Variants in NKAIN2 observed in about 807,000 individuals in gnomAD.
NKAIN2 encodes the protein sodium/potassium transporting ATPase interacting 2, also known as sodium/potassium-transporting ATPase subunit beta-1-interacting protein 2.
In NKAIN2, 14 loss-of-function variants were observed where a neutral mutation model predicts 32.6. The ratio of observed to expected loss-of-function variants is 0.43; its 90% confidence interval spans 0.28 to 0.67. NKAIN2 has a LOEUF of 0.67. Ranked by LOEUF, NKAIN2 falls within the 30% of genes least tolerant of loss-of-function variation. The pLI, the probability that NKAIN2 is intolerant of heterozygous loss-of-function variation, is 0.17. For synonymous variants in NKAIN2, 80 were observed against 87.2 expected (o/e 0.92, Z 0.46); for missense variants, 198 against 258.3 (o/e 0.77, Z 1.60).
chr6:124,087,594 T>C (rs1784241031), intron 1 of NKAIN2, among the ~76,000 whole-genome samples: 1 of 152,074 alleles, frequency 6.6e-6, no homozygotes, highest in Admixed American at 6.6e-5. Context: ...ATGGTAGATA[T>C]ACATGTGTGT....
At chr6:124,069,197 G>T (rs780607010) in intron 1 of NKAIN2, among the ~76,000 whole-genome samples, 1 of 152,008 alleles carries the variant, frequency 6.6e-6, no homozygotes, top group Non-Finnish European at 1.5e-5. Context: ...TATCACTCAG[G>T]TTCTATTAAA....
intron 4 of NKAIN2, among the ~76,000 whole-genome samples, chr6:124,665,252 T>C (rs1461389013): frequency 2.6e-5 from 4 of 152,144 alleles, no homozygotes; most frequent in Non-Finnish European, 5.9e-5. Flanking sequence ...CTTCCTGATT[T>C]CAAAATATTA....
chr6:124,006,965 A>G (rs1228772145), intron 1 of NKAIN2, among the ~76,000 whole-genome samples: 1 of 152,218 alleles, frequency 6.6e-6, no homozygotes, highest in Admixed American at 6.5e-5. Flanking sequence ...ACAGTCATAC[A>G]TTACTTAAGG....
Position 123,895,630 on chromosome 6 carries a change from G to A in NKAIN2, c.54+91376G>A, listed in dbSNP as rs1034195473. On this transcript the variant is annotated intron_variant, in intron 1 of 6. Transcript: ENST00000368417. The stretch of plus-strand genomic sequence containing the variant: ...TTAGACAAAGAAGACTGTAACTAGG[G>A]TGGGGAGTTAGCCAGAAGAGATCCT... Among the ~76,000 whole-genome samples, 5 of 152,166 alleles carry A rather than the reference G, an allele frequency of 3.3e-5. 1 individual carries two copies. The highest frequency in any genetic ancestry group is 1.2e-4 in the African/African-American group (5 of 41,432).
At chr6:124,108,918 C>G (rs186390377) in intron 1 of NKAIN2, among the ~76,000 whole-genome samples, 1 of 151,898 alleles carries the variant, frequency 6.6e-6, no homozygotes, top group Non-Finnish European at 1.5e-5. Flanking sequence ...TATGCCAGTA[C>G]CATACTATTT....
At chr6:124,294,946 TA>T (rs1795985542) in intron 2 of NKAIN2, among the ~76,000 whole-genome samples, 1 of 152,168 alleles carries the variant, frequency 6.6e-6, no homozygotes, top group South Asian at 2.1e-4. Context: ...TGGAATTTTG[TA>T]AAAGAAATGT....
chr6:124,046,793 G>T (rs1173317789), intron 1 of NKAIN2, among the ~76,000 whole-genome samples: 1 of 151,902 alleles, frequency 6.6e-6, no homozygotes, highest in African/African-American at 2.4e-5. Context: ...AGTACAGTAG[G>T]AGTTCTATGG....
intron 1 of NKAIN2, among the ~76,000 whole-genome samples, chr6:123,858,617 T>A (rs1414750183): frequency 6.6e-6 from 1 of 152,186 alleles, no homozygotes; most frequent in Admixed American, 6.5e-5. Flanking sequence ...GTTCTTTCTT[T>A]AGTAGTAGAA....
chr6:124,045,497 G>A (rs1782077516), intron 1 of NKAIN2, among the ~76,000 whole-genome samples: 1 of 152,014 alleles, frequency 6.6e-6, no homozygotes, highest in South Asian at 2.1e-4. Context: ...ATTCACAAAT[G>A]TGGTTGTAAA....
At chr6:124,678,762 G>C (rs1005293946) in intron 4 of NKAIN2, among the ~76,000 whole-genome samples, 1 of 152,010 alleles carries the variant, frequency 6.6e-6, no homozygotes, top group Admixed American at 6.6e-5. Context: ...TTCTTCATGT[G>C]CCTTGTAACT....
At chr6:124,362,038 T>C (rs1282599974) in intron 3 of NKAIN2, among the ~76,000 whole-genome samples, 1 of 152,060 alleles carries the variant, frequency 6.6e-6, no homozygotes, top group Non-Finnish European at 1.5e-5. Flanking sequence ...AAAAAATAAC[T>C]CTTCCTCTTT....
At chr6:124,147,303 G>T (rs570886183) in intron 1 of NKAIN2, among the ~76,000 whole-genome samples, 1 of 152,262 alleles carries the variant, frequency 6.6e-6, no homozygotes, top group African/African-American at 2.4e-5. Context: ...AACCTTAGAA[G>T]AGTAAACAAC....
At chr6:124,364,250 A>AAAAAGAGGG (rs3054409) in intron 3 of NKAIN2, among the ~76,000 whole-genome samples, 1 of 139,738 alleles carries the variant, frequency 7.2e-6, no homozygotes, top group Non-Finnish European at 1.5e-5. Flanking sequence ...AAAAAAAAAA[A>AAAAAGAGGG]AGAGAGAAAA....
chr6:124,256,037 C>A (rs1191275475), intron 1 of NKAIN2, among the ~76,000 whole-genome samples: 4 of 152,118 alleles, frequency 2.6e-5, no homozygotes, highest in Non-Finnish European at 5.9e-5. Flanking sequence ...TTTAGACATC[C>A]AATTAAATCA....
At chr6:124,759,152 C>T (rs9388372) in intron 4 of NKAIN2, among the ~76,000 whole-genome samples, 27,030 of 152,094 alleles carry the variant, frequency 0.18, 2,478 homozygotes, top group East Asian at 0.25. Flanking sequence ...CAGAACACCT[C>T]CTGCAGCCAC....
intron 1 of NKAIN2, among the ~76,000 whole-genome samples, chr6:123,843,980 G>A (rs1774990258): frequency 6.6e-6 from 1 of 152,156 alleles, no homozygotes; most frequent in Non-Finnish European, 1.5e-5. Flanking sequence ...TTCCCGTAAT[G>A]GGGATTAATG....
At chr6:124,239,356 G>A (rs1454823158) in intron 1 of NKAIN2, among the ~76,000 whole-genome samples, 8 of 152,066 alleles carry the variant, frequency 5.3e-5, no homozygotes, top group Non-Finnish European at 1.0e-4. Flanking sequence ...AATTAACAGC[G>A]ATATTCGGGA....
intron 1 of NKAIN2, among the ~76,000 whole-genome samples, chr6:123,997,337 C>T (rs1355002024): frequency 6.6e-6 from 1 of 152,144 alleles, no homozygotes; most frequent in Non-Finnish European, 1.5e-5. Context: ...CATTGCTACC[C>T]GTTTATGGCT....
intron 3 of NKAIN2, among the ~76,000 whole-genome samples, chr6:124,431,057 T>C (rs1009750544): frequency 6.6e-6 from 1 of 152,184 alleles, no homozygotes; most frequent in African/African-American, 2.4e-5. Flanking sequence ...TGAGATAACT[T>C]CTTCATTGCC....
Sources: allele counts gnomAD v4.1 joint callset (sites outside exome capture counted in the v4.1 genomes callset), GRCh38; gene constraint gnomAD v4.1.1; transcripts MANE v1.5; gene names NCBI Gene and HGNC (gene_info 2026-07-23, HGNC 2026-07-21).